Variants in NRG1 observed in about 807,000 individuals in gnomAD.
The protein encoded by NRG1 is pro-neuregulin-1, membrane-bound isoform.
A neutral mutation model predicts 63.8 loss-of-function variants in NRG1; 18 were observed. The ratio of observed to expected loss-of-function variants is 0.28; its 90% confidence interval spans 0.19 to 0.42. The LOEUF is 0.42. Among genes scored for constraint, NRG1 ranks in the 10% least tolerant of loss-of-function variants. The pLI is 1.00. For missense variants in NRG1, 762 were observed against 814.7 expected (o/e 0.94, Z 0.79); for synonymous variants, 302 against 301.3 (o/e 1.00, Z -0.02).
At chr8:32,256,651 C>T (rs1202162350) in intron 1 of NRG1, 1 of 152,886 alleles carries the variant, frequency 6.5e-6, no homozygotes, top group African/African-American at 2.4e-5. Context: ...GTTCCTTCCT[C>T]TGAAAACTTT....
chr8:31,967,696 G>A (rs1022507547), intron 1 of NRG1, among the ~76,000 whole-genome samples: 1 of 152,166 alleles, frequency 6.6e-6, no homozygotes, highest in Non-Finnish European at 1.5e-5. Context: ...ACAGCAAGAA[G>A]GCAGCAGTAC....
At chr8:31,864,205 A>G (rs73578508) in intron 1 of NRG1, among the ~76,000 whole-genome samples, 22,198 of 152,184 alleles carry the variant, frequency 0.15, 2,015 homozygotes, top group Non-Finnish European at 0.19. Context: ...AACACATTGC[A>G]TTGAGCATCC....
chr8:32,682,977 C>A lies in NRG1; in HGVS notation c.503-44972C>A, dbSNP rs1247707968. Among the ~76,000 whole-genome samples the A allele has an allele frequency of 2.0e-5, 3 of 152,130 alleles. No individual in the cohort carries two copies. In the East Asian group the frequency reaches 5.8e-4, roughly 29 times the overall value. On this transcript the variant is annotated intron_variant, in intron 5 of 11. Transcript: ENST00000356819. Reference sequence around the variant, plus strand: ...TATAATTTTATATATAACCTTTTATCTTTATAATAATAAATACTATCACAG... The same window carrying A: ...TATAATTTTATATATAACCTTTTATATTTATAATAATAAATACTATCACAG...
At chr8:32,230,117 G>A (rs1244331465) in intron 1 of NRG1, among the ~76,000 whole-genome samples, 2 of 152,146 alleles carry the variant, frequency 1.3e-5, no homozygotes, top group Admixed American at 1.3e-4. Flanking sequence ...AGGTAGCTTA[G>A]TGGGTATTTG....
chr8:31,978,603 A>G (rs1808577188), intron 1 of NRG1, among the ~76,000 whole-genome samples: 1 of 152,150 alleles, frequency 6.6e-6, no homozygotes, highest in Non-Finnish European at 1.5e-5. Flanking sequence ...AGACAGCTTT[A>G]AACCCATGTG....
intron 1 of NRG1, among the ~76,000 whole-genome samples, chr8:32,384,615 A>T (rs181661538): frequency 2.0e-5 from 3 of 152,224 alleles, no homozygotes; most frequent in Non-Finnish European, 2.9e-5. Context: ...CCTTTGCCCA[A>T]ACAAGTGGTT....
At chr8:32,749,512 A>T in intron 7 of NRG1, 1 of 1,607,122 alleles carries the variant, frequency 6.2e-7, no homozygotes, top group East Asian at 2.2e-5. Context: ...CTCTTTTCTG[A>T]AACTTTTTCC....
intron 1 of NRG1, among the ~76,000 whole-genome samples, chr8:32,402,210 G>A (rs1054203548): frequency 2.6e-5 from 4 of 152,100 alleles, no homozygotes; most frequent in African/African-American, 9.7e-5. Context: ...ACCACGCCTG[G>A]CCTAAAAGTT....
rs1043517817 is a variant in NRG1, at chr8:32,146,912, G to T, written c.38-448916G>T. ...AAAGTAAAACACCATAAAGAAAAGG[G>T]TATGTACCCAAGAAGTAGCAAGAAA... On this transcript the variant is annotated intron_variant, in intron 1 of 10. Coordinates refer to the NRG1 transcript ENST00000519301. Among the ~76,000 whole-genome samples, 4 of 152,064 alleles carry T rather than the reference G, an allele frequency of 2.6e-5. No individual in the cohort carries two copies. In the South Asian group the frequency reaches 8.3e-4, roughly 32 times the overall value.
rs868555675 is a variant in NRG1, at chr8:31,905,448, C to G, written c.37+266017C>G. ...AAACTATTATACATGATAATTGTCA[C>G]TTTGTTAGTTAAGACACATTTATAC... On this transcript the variant is annotated intron_variant, in intron 1 of 10. Coordinates refer to the NRG1 transcript ENST00000519301. Among the ~76,000 whole-genome samples, 77 of 152,220 alleles carry G rather than the reference C, an allele frequency of 5.1e-4. 1 individual carries two copies. Among genetic ancestry groups the G allele is most frequent in the African/African-American group, 1.6e-3 (67 of 41,538 alleles).
chr8:32,473,049 CTT>C (rs1216771008), intron 1 of NRG1, among the ~76,000 whole-genome samples: 4 of 152,296 alleles, frequency 2.6e-5, no homozygotes, highest in African/African-American at 9.6e-5. Context: ...AGAATGAAGT[CTT>C]TGCTAGAGTT....
chr8:32,089,958 G>A (rs1438342976), intron 1 of NRG1, among the ~76,000 whole-genome samples: 2 of 152,186 alleles, frequency 1.3e-5, no homozygotes, highest in African/African-American at 2.4e-5. Context: ...GCTGTATAAT[G>A]TATGTGGTGA....
At chr8:31,880,909 TG>T (rs1490289539) in intron 1 of NRG1, among the ~76,000 whole-genome samples, 1 of 152,318 alleles carries the variant, frequency 6.6e-6, no homozygotes, top group East Asian at 1.9e-4. Flanking sequence ...ATCAATGGAC[TG>T]GAGTATATGC....
chr8:31,892,384 T>C (rs905239278), intron 1 of NRG1, among the ~76,000 whole-genome samples: 4 of 152,018 alleles, frequency 2.6e-5, no homozygotes, highest in Admixed American at 1.3e-4. Flanking sequence ...TAGAAAAAGG[T>C]AGTATTAAAG....
intron 3 of NRG1, among the ~76,000 whole-genome samples, chr8:32,609,108 C>T (rs964605212): frequency 6.6e-6 from 1 of 152,158 alleles, no homozygotes; most frequent in African/African-American, 2.4e-5. Flanking sequence ...GAGCATGCAG[C>T]TCACCTGGGC....
At chr8:32,394,019 C>T (rs948186912) in intron 1 of NRG1, among the ~76,000 whole-genome samples, 4 of 152,162 alleles carry the variant, frequency 2.6e-5, no homozygotes, top group South Asian at 2.1e-4. Context: ...TAGGCCTTAT[C>T]GTGCATCTCT....
chr8:31,939,510 A>C (rs1757522833), intron 1 of NRG1, among the ~76,000 whole-genome samples: 1 of 152,092 alleles, frequency 6.6e-6, no homozygotes, highest in African/African-American at 2.4e-5. Context: ...AATGAAAAAA[A>C]AAAACCCAAC....
chr8:32,414,954 A>T (rs1243978134), intron 1 of NRG1, among the ~76,000 whole-genome samples: 1 of 152,118 alleles, frequency 6.6e-6, no homozygotes, highest in Admixed American at 6.5e-5. Flanking sequence ...CAGCGATCTC[A>T]TCCATGTCCT....
intron 1 of NRG1, among the ~76,000 whole-genome samples, chr8:31,912,488 T>G (rs866561793): frequency 6.6e-6 from 1 of 150,548 alleles, no homozygotes; most frequent in African/African-American, 2.4e-5. Flanking sequence ...CCAGGCAAAG[T>G]AGAGTGACCT....
Sources: gnomAD v4.1 joint callset for allele counts (sites outside exome capture counted in the v4.1 genomes callset) on GRCh38, gnomAD v4.1.1 for gene constraint, MANE v1.5 for transcripts, NCBI Gene and HGNC (gene_info 2026-07-23, HGNC 2026-07-21) for gene names.